Variants in JAZF1 observed in about 807,000 individuals in gnomAD.
JAZF1 encodes the protein JAZF zinc finger 1, also known as juxtaposed with another zinc finger protein 1.
JAZF1 carries 8 observed loss-of-function variants against 26.4 expected under a neutral mutation model. The ratio of observed to expected loss-of-function variants is 0.30; its 90% CI spans 0.18 to 0.55. The LOEUF is 0.55. JAZF1 is among the 20% of genes least tolerant of loss of function. The probability of loss-of-function intolerance (pLI) is 0.94; values close to 1 mark genes in which losing one functional copy is unlikely to be tolerated. For missense variants in JAZF1, 199 were observed against 322.0 expected (o/e 0.62, Z 2.92); for synonymous variants, 126 against 122.3 (o/e 1.03, Z -0.20).
At chr7:28,163,810 T>C (rs550442725) in intron 1 of JAZF1, among the ~76,000 whole-genome samples, 1 of 152,190 alleles carries the variant, frequency 6.6e-6, no homozygotes, top group African/African-American at 2.4e-5. Flanking sequence ...TAGGAGAAAA[T>C]TTTTATCTCT....
intron 3 of JAZF1, among the ~76,000 whole-genome samples, chr7:27,883,017 T>C (rs1783798168): frequency 6.6e-6 from 1 of 152,178 alleles, no homozygotes; most frequent in African/African-American, 2.4e-5. Context: ...TATGTTGCTC[T>C]CTTTAGCACT....
In JAZF1 at chr7:27,895,212, C is replaced by G. The variant is rs746345778; in HGVS notation, c.385+8G>C. On this transcript the variant is annotated splice_region_variant and intron_variant, in intron 3 of 4. Coordinates refer to ENST00000283928, the MANE Select transcript of JAZF1 (RefSeq NM_175061.4). ...TCCTTCTCAAGGCGGTAGGGCCAGG[C>G]CACTCACCTGTCGGAGTGCTGCTGC... 11 of 1,582,742 alleles carry G rather than the reference C, an allele frequency of 6.9e-6. No individual in the cohort carries two copies. Among genetic ancestry groups the G allele is most frequent in the Non-Finnish European group, 8.6e-6 (10 of 1,163,380 alleles).
chr7:27,943,643 G>T (rs924345591), intron 2 of JAZF1, among the ~76,000 whole-genome samples: 1 of 152,126 alleles, frequency 6.6e-6, no homozygotes, highest in Non-Finnish European at 1.5e-5. Context: ...AACACTGTGT[G>T]GGCTAATTTC....
intron 1 of JAZF1, among the ~76,000 whole-genome samples, chr7:28,015,536 G>T (rs1308205266): frequency 1.3e-5 from 2 of 152,160 alleles, no homozygotes; most frequent in Non-Finnish European, 2.9e-5. Flanking sequence ...GATGCTCTGA[G>T]ATACATGTTA....
rs1583424300 is a variant in JAZF1 at position 27,840,591 on chromosome 7, T to C, written c.555+107A>G. 8.7e-7 allele frequency: 1 copy of C among 1,153,928 alleles called. No homozygotes were observed. Among genetic ancestry groups the C allele is most frequent in the Non-Finnish European group, 1.3e-6 (1 of 792,822 alleles). 71.5% of individuals were successfully genotyped at this position (1,153,928 alleles called of 1,614,324 possible). A position where few individuals can be genotyped will look rare whatever the true frequency, so the allele number is the denominator to read the frequency against. ...CTCTAATGCAGGAGAGGGGAGTGTC[T>C]CCCCCCAGCCCATACGCTCGCTTTA... On this transcript the variant is annotated intron_variant, in intron 4 of 4. Transcript: ENST00000283928. This position sits in a 1 kb window ranked among gnomAD's most constrained non-coding sequence, Gnocchi z 5.1.
intron 4 of JAZF1, among the ~76,000 whole-genome samples, chr7:27,839,125 G>T (rs1450640052): frequency 6.6e-6 from 1 of 152,238 alleles, no homozygotes; most frequent in Non-Finnish European, 1.5e-5. Flanking sequence ...GAGAGGGGAT[G>T]CCTCCCCTGC....
At chr7:28,140,419 G>A (rs1782945246) in intron 1 of JAZF1, among the ~76,000 whole-genome samples, 2 of 152,108 alleles carry the variant, frequency 1.3e-5, no homozygotes, top group Admixed American at 1.3e-4. Flanking sequence ...AAAACAGGCA[G>A]AGAATAAAAT....
In JAZF1 at chr7:27,906,032, CTAT is replaced by C. The variant is rs1304613469; in HGVS notation, c.189-10619_189-10617del. On this transcript the variant is annotated intron_variant, in intron 2 of 4. Coordinates refer to ENST00000283928, the MANE Select transcript of JAZF1 (RefSeq NM_175061.4). ...TTTTAAAAATATCTAAATGTGTTTT[CTAT>C]TATTATCATTGCGAAAAATTCAGTT... 5.9e-5 allele frequency among the ~76,000 whole-genome samples: 9 copies of C among 152,108 alleles called. No homozygotes were observed. The South Asian group carries it at 8.3e-4, about 14-fold the overall frequency.
chr7:27,977,118 T>C (rs1185942368), intron 2 of JAZF1, among the ~76,000 whole-genome samples: 1 of 152,228 alleles, frequency 6.6e-6, no homozygotes, highest in African/African-American at 2.4e-5. Context: ...GAAAGATCTC[T>C]ATTGACTGCT....
chr7:27,897,266 G>A (rs940348130), intron 2 of JAZF1, among the ~76,000 whole-genome samples: 1 of 152,114 alleles, frequency 6.6e-6, no homozygotes, highest in African/African-American at 2.4e-5. Context: ...AAATAAACAC[G>A]GACATGCTTA....
chr7:27,923,618 C>T (rs1784568555), intron 2 of JAZF1, among the ~76,000 whole-genome samples: 1 of 152,238 alleles, frequency 6.6e-6, no homozygotes, highest in Admixed American at 6.5e-5. Context: ...GCGCCGCCAA[C>T]ATTTACAGTC....
chr7:28,154,567 A>T lies in JAZF1; in HGVS notation c.115+25896T>A, dbSNP rs571385687. ...ATTTACTGAATGTCTCTTGAATGCC[A>T]ACCATTGTGCCATACAGGTGAAAAA... On this transcript the variant is annotated intron_variant, in intron 1 of 4. Coordinates refer to ENST00000283928, the MANE Select transcript of JAZF1 (RefSeq NM_175061.4). 1.8e-4 allele frequency among the ~76,000 whole-genome samples: 28 copies of T among 152,314 alleles called. 1 individual carries two copies. Among genetic ancestry groups the T allele is most frequent in the African/African-American group, 6.7e-4 (28 of 41,568 alleles).
intron 3 of JAZF1, among the ~76,000 whole-genome samples, chr7:27,853,940 T>A (rs551661538): frequency 6.6e-6 from 1 of 152,348 alleles, no homozygotes; most frequent in South Asian, 2.1e-4. Flanking sequence ...GTTAATTTTC[T>A]GTCTTGTTGA....
chr7:27,894,664 G>A (rs1476364521), intron 3 of JAZF1, among the ~76,000 whole-genome samples: 2 of 152,128 alleles, frequency 1.3e-5, no homozygotes, highest in Non-Finnish European at 2.9e-5. Context: ...GTGAATAGGT[G>A]GGTATAAAGA....
At chr7:28,073,238 T>C (rs761219742) in intron 1 of JAZF1, among the ~76,000 whole-genome samples, 5 of 152,314 alleles carry the variant, frequency 3.3e-5, no homozygotes, top group Non-Finnish European at 7.3e-5. Flanking sequence ...GCAGAGCTCG[T>C]TGTGCCGGAG....
intron 1 of JAZF1, among the ~76,000 whole-genome samples, chr7:28,087,467 A>C (rs1195202412): frequency 3.3e-5 from 5 of 152,182 alleles, no homozygotes; most frequent in African/African-American, 9.7e-5. Flanking sequence ...TTTTTGATAT[A>C]AAGTTTACAT....
chr7:28,041,931 G>C lies in JAZF1; in HGVS notation c.116-49950C>G, dbSNP rs138312627. Among the ~76,000 whole-genome samples the C allele has an allele frequency of 5.9e-3, 898 of 152,276 alleles. 5 individuals carry two copies. The highest frequency in any genetic ancestry group is 0.021 in the African/African-American group (869 of 41,550). ...TGTAGGAGGAGATCAAGCCGAACTG[G>C]GCACCAAGGATCTAGATCACCCTAT... On this transcript the variant is annotated intron_variant, in intron 1 of 4. Transcript: ENST00000283928.
At chr7:28,012,500 G>T (rs1435546370) in intron 1 of JAZF1, among the ~76,000 whole-genome samples, 1 of 152,166 alleles carries the variant, frequency 6.6e-6, no homozygotes, top group African/African-American at 2.4e-5. Context: ...AAATTCTTGG[G>T]ATACAAATTT....
At chr7:27,993,739 T>C (rs1193990516) in intron 1 of JAZF1, among the ~76,000 whole-genome samples, 1 of 152,090 alleles carries the variant, frequency 6.6e-6, no homozygotes, top group African/African-American at 2.4e-5. Flanking sequence ...AACAGGGCAA[T>C]GTAGAAAATT....
Sources: allele counts gnomAD v4.1 joint callset (sites outside exome capture counted in the v4.1 genomes callset), GRCh38; gene constraint gnomAD v4.1.1; non-coding constraint Gnocchi (gnomAD v3.1); transcripts MANE v1.5; gene names NCBI Gene and HGNC (gene_info 2026-07-23, HGNC 2026-07-21).